The following NRXN3 variants were observed in gnomAD, a reference collection of about 807,000 sequenced individuals.
The protein encoded by NRXN3 is neurexin 3.
A neutral mutation model predicts 137.6 loss-of-function variants in NRXN3; 32 were observed. That is an observed-to-expected ratio of 0.23 (90% CI 0.18 to 0.31). The LOEUF is 0.31. Among genes scored for constraint, NRXN3 ranks in the 10% least tolerant of loss-of-function variants. The pLI is 1.00. For synonymous variants in NRXN3, 798 were observed against 784.5 expected (o/e 1.02, Z -0.29); for missense variants, 1,574 against 2,062.5 (o/e 0.76, Z 4.59).
rs139618087 is a variant in NRXN3 at position 78,903,221 on chromosome 14, T to C, written c.2276-54021T>C. On this transcript the variant is annotated intron_variant, in intron 10 of 20. Coordinates refer to ENST00000335750, the MANE Select transcript of NRXN3 (RefSeq NM_001330195.2). ...TGGATTGCAGTGGTGTGATTATAGC[T>C]CACTGCAGCCTTGATGTCCTGGGCT... Among the ~76,000 whole-genome samples the C allele has an allele frequency of 4.0e-3, 605 of 151,052 alleles. 5 individuals carry two copies. Among genetic ancestry groups the C allele is most frequent in the African/African-American group, 0.012 (479 of 40,926 alleles).
At chr14:79,332,792 A>G (rs756807093) in intron 15 of NRXN3, among the ~76,000 whole-genome samples, 21 of 152,192 alleles carry the variant, frequency 1.4e-4, no homozygotes, top group Non-Finnish European at 2.8e-4. Flanking sequence ...CGTTCATTCT[A>G]GTGTCTGGAA....
At chr14:79,785,078 A>G (rs1049413683) in intron 19 of NRXN3, among the ~76,000 whole-genome samples, 2 of 152,200 alleles carry the variant, frequency 1.3e-5, no homozygotes, top group Non-Finnish European at 2.9e-5. Context: ...TATTCCATTC[A>G]TCTCTGAAGT....
intron 15 of NRXN3, among the ~76,000 whole-genome samples, chr14:79,340,185 GTGTGTA>G (rs1359543090): frequency 2.0e-5 from 3 of 151,646 alleles, no homozygotes; most frequent in East Asian, 1.9e-4. Flanking sequence ...GTGTGTGTGT[GTGTGTA>G]TGTGTGTGAG....
chr14:79,656,972 T>C (rs2098509440), intron 16 of NRXN3, among the ~76,000 whole-genome samples: 1 of 152,158 alleles, frequency 6.6e-6, no homozygotes, highest in Non-Finnish European at 1.5e-5. Context: ...CAGTATCCTA[T>C]AGGGAGTGTG....
chr14:79,126,994 T>C (rs111314205), intron 15 of NRXN3, among the ~76,000 whole-genome samples: 49,951 of 152,064 alleles, frequency 0.33, 8,765 homozygotes, highest in Admixed American at 0.46. Flanking sequence ...TGTCTGTTCA[T>C]GTCCTTTGCC....
chr14:78,450,363 T>G (rs2094522466), intron 4 of NRXN3, among the ~76,000 whole-genome samples: 2 of 152,242 alleles, frequency 1.3e-5, no homozygotes, highest in African/African-American at 4.8e-5. Context: ...GATGTGTTTG[T>G]GCAGCTGTGT....
chr14:79,370,637 C>T (rs988096773), intron 15 of NRXN3, among the ~76,000 whole-genome samples: 2 of 152,034 alleles, frequency 1.3e-5, no homozygotes, highest in Non-Finnish European at 2.9e-5. Context: ...TTAAATAACT[C>T]GTCCAGAAGG....
intron 15 of NRXN3, among the ~76,000 whole-genome samples, chr14:79,264,697 A>G (rs1384116708): frequency 3.3e-5 from 5 of 152,120 alleles, no homozygotes; most frequent in Admixed American, 2.0e-4. Context: ...TCCAAATTCA[A>G]TATAGGAATT....
At chr14:78,646,704 A>C (rs916089522) in intron 5 of NRXN3, among the ~76,000 whole-genome samples, 5 of 152,220 alleles carry the variant, frequency 3.3e-5, no homozygotes, top group Admixed American at 3.3e-4. Context: ...CAAATGACAC[A>C]AGACTTAGAG....
intron 10 of NRXN3, among the ~76,000 whole-genome samples, chr14:78,917,988 G>GAA (rs71131666): frequency 0.027 from 2,944 of 107,432 alleles, 134 homozygotes; most frequent in African/African-American, 0.09. Context: ...ATAAAAAAAT[G>GAA]AAAAAAAAAA....
At chr14:78,319,474 C>T (rs2079076859) in intron 4 of NRXN3, among the ~76,000 whole-genome samples, 1 of 152,158 alleles carries the variant, frequency 6.6e-6, no homozygotes, top group South Asian at 2.1e-4. Context: ...ACCATGAGGA[C>T]ACATTTCTGG....
chr14:79,656,278 C>T (rs1055968186), intron 16 of NRXN3, among the ~76,000 whole-genome samples: 1 of 152,156 alleles, frequency 6.6e-6, no homozygotes, highest in African/African-American at 2.4e-5. Flanking sequence ...CAGCACTGCC[C>T]TGCCAGCTGT....
intron 8 of NRXN3, among the ~76,000 whole-genome samples, chr14:78,778,706 CTT>C (rs2153019538): frequency 6.9e-6 from 1 of 145,544 alleles, no homozygotes; most frequent in African/African-American, 2.5e-5. Flanking sequence ...TTCTTTCTTT[CTT>C]TCTTTCTTTC....
At chr14:78,416,918 T>G (rs2093171235) in intron 4 of NRXN3, among the ~76,000 whole-genome samples, 1 of 152,220 alleles carries the variant, frequency 6.6e-6, no homozygotes, top group Non-Finnish European at 1.5e-5. Context: ...ATTAGGTGAA[T>G]GACAAGTGCT....
chr14:78,403,131 C>T (rs917906), intron 4 of NRXN3, among the ~76,000 whole-genome samples: 83,707 of 152,054 alleles, frequency 0.55, 23,381 homozygotes, highest in Middle Eastern at 0.64. Context: ...TGTTTTGGAT[C>T]TGAAATAAGG....
At chr14:79,363,286 C>G (rs1182300850) in intron 15 of NRXN3, among the ~76,000 whole-genome samples, 3 of 152,198 alleles carry the variant, frequency 2.0e-5, no homozygotes, top group Non-Finnish European at 2.9e-5. Flanking sequence ...AGGCGTGAGC[C>G]ACTGCACCCG....
intron 15 of NRXN3, among the ~76,000 whole-genome samples, chr14:79,342,409 A>G (rs1373971869): frequency 6.6e-6 from 1 of 152,146 alleles, no homozygotes; most frequent in Admixed American, 6.5e-5. Context: ...CTTTATGACA[A>G]GTGCTATTAC....
chr14:79,022,556 T>C (rs539886666), intron 15 of NRXN3, among the ~76,000 whole-genome samples: 1 of 152,274 alleles, frequency 6.6e-6, no homozygotes, highest in South Asian at 2.1e-4. Flanking sequence ...TTCATAACTT[T>C]TGTAGCACTT....
intron 15 of NRXN3, among the ~76,000 whole-genome samples, chr14:79,179,204 A>G (rs561979239): frequency 2.6e-5 from 4 of 152,294 alleles, no homozygotes; most frequent in Admixed American, 6.5e-5. Context: ...ATGAGATTTC[A>G]AGCTCCTTAA....
Sources: allele counts gnomAD v4.1 joint callset (sites outside exome capture counted in the v4.1 genomes callset), GRCh38; gene constraint gnomAD v4.1.1; transcripts MANE v1.5; gene names NCBI Gene and HGNC (gene_info 2026-07-23, HGNC 2026-07-21).